Variants in TTC39C observed in about 807,000 individuals in gnomAD.
TTC39C encodes the protein tetratricopeptide repeat protein 39C.
A neutral mutation model predicts 76.3 loss-of-function variants in TTC39C; 33 were observed. The observed-to-expected ratio is 0.43, with a 90% CI of 0.33 to 0.58. The LOEUF is 0.58. Among genes scored for constraint, TTC39C ranks in the 20% least tolerant of loss-of-function variants. TTC39C has a pLI of 0.04. For missense variants in TTC39C, 595 were observed against 701.4 expected, an observed-to-expected ratio of 0.85 and a Z score of 1.71; for synonymous variants, 254 against 260.6, an observed-to-expected ratio of 0.97 and a Z score of 0.24.
chr18:24,088,448 C>T (rs898338237), intron 6 of TTC39C, among the ~76,000 whole-genome samples: 1 of 152,152 alleles, frequency 6.6e-6, no homozygotes, highest in African/African-American at 2.4e-5. Context: ...TGGGCAGTAT[C>T]GTCTGTAGGG....
chr18:24,050,651 C>T (rs554494043), intron 1 of TTC39C, among the ~76,000 whole-genome samples: 27 of 150,760 alleles, frequency 1.8e-4, no homozygotes, highest in African/African-American at 6.6e-4. Context: ...GAGGGTGGAT[C>T]ACCTGAGGTC....
chr18:24,105,648 T>C (rs1387968624), intron 6 of TTC39C, among the ~76,000 whole-genome samples: 1 of 152,192 alleles, frequency 6.6e-6, no homozygotes, highest in Non-Finnish European at 1.5e-5. Context: ...AGTCAGGTGC[T>C]CACCCTTGCC....
Position 24,134,271 on chromosome 18 carries a change from T to TTTTTTTTTG in TTC39C, c.*1705_*1706insGTTTTTTTT, listed in dbSNP as rs2085171686. 1 of 128,842 alleles carries TTTTTTTTTG rather than the reference T, an allele frequency of 7.8e-6. No homozygotes were observed. The highest frequency in any genetic ancestry group is 3.0e-5 in the African/African-American group (1 of 33,710). 8.0% of individuals were successfully genotyped at this position (128,842 alleles called of 1,614,324 possible). A position where few individuals can be genotyped will look rare whatever the true frequency, so the allele number is the denominator to read the frequency against. On this transcript the variant is annotated 3_prime_UTR_variant, in exon 14 of 14. Transcript: ENST00000317571. Reference sequence around the variant, plus strand: ...ATTGGACATCTGTTTTTTGTTTTTTTTTTTTTTTTTTTTTTTTTTTGAGAC... The same window carrying TTTTTTTTTG: ...ATTGGACATCTGTTTTTTGTTTTTTTTTTTTTTTGTTTTTTTTTTTTTTTTTTTTGAGAC...
intron 9 of TTC39C, among the ~76,000 whole-genome samples, chr18:24,124,971 C>A (rs2085029385): frequency 6.6e-6 from 1 of 152,212 alleles, no homozygotes; most frequent in Admixed American, 6.5e-5. Context: ...TGGCTCACCG[C>A]AACCTCCGCC....
chr18:24,104,606 C>T (rs1021912343), intron 6 of TTC39C, among the ~76,000 whole-genome samples: 1 of 151,970 alleles, frequency 6.6e-6, no homozygotes, highest in Non-Finnish European at 1.5e-5. Flanking sequence ...AACTTAAGCT[C>T]CACGAGGACA....
intron 6 of TTC39C, among the ~76,000 whole-genome samples, chr18:24,083,302 G>A (rs2084399805): frequency 6.6e-6 from 1 of 152,188 alleles, no homozygotes; most frequent in Non-Finnish European, 1.5e-5. Context: ...GTAGGGGTAA[G>A]ATTCCTCATT....
intron 8 of TTC39C, among the ~76,000 whole-genome samples, chr18:24,119,863 T>C (rs1054901883): frequency 1.3e-5 from 2 of 152,184 alleles, no homozygotes; most frequent in Non-Finnish European, 2.9e-5. Context: ...TTAGGTGTAA[T>C]TGGGCCGCAC....
rs1568450608 is a variant in TTC39C, at chr18:24,134,255, C to CTTT, written c.*1682_*1683insTTT. On this transcript the variant is annotated 3_prime_UTR_variant, in exon 14 of 14. Transcript: ENST00000317571. ...ATTGGTGCCCAAAAATATTGGACATCTGTTTTTTGTTTTTTTTTTTTTTTT... is the reference window on the plus strand; with the variant it reads ...ATTGGTGCCCAAAAATATTGGACATCTTTTGTTTTTTGTTTTTTTTTTTTTTTT... 2 of 46,692 alleles carry CTTT rather than the reference C, an allele frequency of 4.3e-5. No homozygotes were observed. Among genetic ancestry groups the CTTT allele is most frequent in the Non-Finnish European group, 3.9e-5 (1 of 25,956 alleles). The allele number at this position is 46,692 out of a possible 1,614,324, so 2.9% of individuals were successfully genotyped here.
At chr18:24,067,745 G>A (rs1284942079) in intron 3 of TTC39C, among the ~76,000 whole-genome samples, 1 of 152,102 alleles carries the variant, frequency 6.6e-6, no homozygotes, top group Non-Finnish European at 1.5e-5. Context: ...GGAGAATGCT[G>A]CTCTAATTCA....
chr18:24,092,123 A>AAAAAAAAAAAAAATAAT (rs1555775346), intron 6 of TTC39C, among the ~76,000 whole-genome samples: 1 of 50,528 alleles, frequency 2.0e-5, no homozygotes, highest in Non-Finnish European at 4.6e-5. Flanking sequence ...AAAAAAAAAA[A>AAAAAAAAAAAAAATAAT]AATAATAATA....
intron 1 of TTC39C, among the ~76,000 whole-genome samples, chr18:23,999,638 C>T (rs570722777): frequency 1.3e-4 from 20 of 152,346 alleles, no homozygotes; most frequent in South Asian, 2.1e-4. Flanking sequence ...CAAATGCCTA[C>T]GGCTCCCATA....
rs2145839653 is a variant in TTC39C, at chr18:24,135,411, CCAAAA to C, written c.*2841_*2845del. The C allele has an allele frequency of 6.5e-6, 1 of 152,790 alleles. No individual in the cohort carries two copies. Among genetic ancestry groups the C allele is most frequent in the South Asian group, 2.1e-4 (1 of 4,808 alleles). 9.5% of individuals were successfully genotyped at this position (152,790 alleles called of 1,614,324 possible). A position where few individuals can be genotyped will look rare whatever the true frequency, so the allele number is the denominator to read the frequency against. On this transcript the variant is annotated 3_prime_UTR_variant, in exon 14 of 14. Transcript: ENST00000317571. ...AATGGGTAGATGGAGCTTCTAGACTCCAAAACAACAAAACCACAGTGTGAGTACAC... is the reference window on the plus strand; with the variant it reads ...AATGGGTAGATGGAGCTTCTAGACTCCAACAAAACCACAGTGTGAGTACAC...
At position 24,133,774 on chromosome 18, in the gene TTC39C, CT is replaced by C. The variant is rs2085163929; in HGVS notation, c.*1204del. 6.6e-6 allele frequency: 1 copy of C among 152,126 alleles called. No homozygotes were observed. The highest frequency in any genetic ancestry group is 2.4e-5 in the African/African-American group (1 of 41,430). 9.4% of individuals were successfully genotyped at this position (152,126 alleles called of 1,614,324 possible). A position where few individuals can be genotyped will look rare whatever the true frequency, so the allele number is the denominator to read the frequency against. On this transcript the variant is annotated 3_prime_UTR_variant, in exon 14 of 14. Coordinates refer to ENST00000317571, the MANE Select transcript of TTC39C (RefSeq NM_001135993.2). Reference sequence around the variant, plus strand: ...TTGAAGAATCTAAATACCTCAGTCACTTTTAAGAATCTCTGCCATAATTTGG... The same window carrying C: ...TTGAAGAATCTAAATACCTCAGTCACTTTAAGAATCTCTGCCATAATTTGG...
At chr18:24,009,216 A>G (rs955532489) in intron 1 of TTC39C, among the ~76,000 whole-genome samples, 2 of 152,218 alleles carry the variant, frequency 1.3e-5, no homozygotes, top group African/African-American at 4.8e-5. Flanking sequence ...AGTTTAAAAA[A>G]TTCTAGTGGA....
intron 1 of TTC39C, among the ~76,000 whole-genome samples, chr18:24,063,825 T>C (rs1453034304): frequency 2.6e-5 from 4 of 152,166 alleles, no homozygotes; most frequent in Admixed American, 6.5e-5. Context: ...GTTTCTACTA[T>C]CTTTATATTT....
intron 1 of TTC39C, among the ~76,000 whole-genome samples, chr18:24,023,988 A>ATCTATATCTATATC (rs2083559617): frequency 1.9e-4 from 1 of 5,156 alleles, no homozygotes; most frequent in Non-Finnish European, 4.1e-4. Context: ...ATACATATAT[A>ATCTATATCTATATC]TATATATATA....
chr18:24,046,122 T>C (rs2083880054), intron 1 of TTC39C, among the ~76,000 whole-genome samples: 1 of 151,196 alleles, frequency 6.6e-6, no homozygotes, highest in Non-Finnish European at 1.5e-5. Flanking sequence ...GTATTTTTAG[T>C]AGAGATGGGG....
chr18:24,099,054 C>T lies in TTC39C; in HGVS notation c.985-15500C>T, dbSNP rs1439503426. On this transcript the variant is annotated intron_variant, in intron 6 of 13. Coordinates refer to ENST00000317571, the MANE Select transcript of TTC39C (RefSeq NM_001135993.2). The stretch of plus-strand genomic sequence containing the variant: ...GTGTGTGTATATATATATCTATACA[C>T]GTATATACATATAACATATATACAT... Among the ~76,000 whole-genome samples, 13 of 87,154 alleles carry T rather than the reference C, an allele frequency of 1.5e-4. 1 individual carries two copies. The highest frequency in any genetic ancestry group is 5.0e-4 in the East Asian group (2 of 3,996). 57.2% of individuals were successfully genotyped at this position (87,154 alleles called of 152,430 possible).
intron 1 of TTC39C, among the ~76,000 whole-genome samples, chr18:24,025,626 C>T (rs1369641267): frequency 6.6e-6 from 1 of 152,204 alleles, no homozygotes; most frequent in Admixed American, 6.5e-5. Context: ...GCTGGATGAT[C>T]TCATACATTG....
Sources: allele counts gnomAD v4.1 joint callset (sites outside exome capture counted in the v4.1 genomes callset), GRCh38; gene constraint gnomAD v4.1.1; transcripts MANE v1.5; gene names NCBI Gene and HGNC (gene_info 2026-07-23, HGNC 2026-07-21).